Variants in PEBP4 observed in about 807,000 individuals in gnomAD.
PEBP4 encodes the protein phosphatidylethanolamine-binding protein 4.
In PEBP4, 22 loss-of-function variants were observed where a neutral mutation model predicts 23.9. The observed-to-expected ratio is 0.92, with a 90% CI of 0.66 to 1.31. PEBP4 has a LOEUF of 1.31. PEBP4 is among the 40% of genes most tolerant of loss of function. PEBP4 has a pLI of 0.00. For synonymous variants in PEBP4, 112 were observed against 99.3 expected (o/e 1.13, Z -0.76); for missense variants, 324 against 281.7 (o/e 1.15, Z -1.07).
intron 4 of PEBP4, among the ~76,000 whole-genome samples, chr8:22,742,456 G>A (rs368065093): frequency 1.3e-5 from 2 of 152,210 alleles, no homozygotes; most frequent in African/African-American, 2.4e-5. Flanking sequence ...AAGCATGAGA[G>A]GCTCTTGGGA....
At chr8:22,810,032 T>C (rs2128760400) in intron 4 of PEBP4, among the ~76,000 whole-genome samples, 1 of 152,358 alleles carries the variant, frequency 6.6e-6, no homozygotes, top group East Asian at 1.9e-4. Context: ...TCTTAGAAAG[T>C]TCTTCCTCAT....
chr8:22,805,783 T>C (rs1806481984), intron 4 of PEBP4, among the ~76,000 whole-genome samples: 1 of 141,918 alleles, frequency 7.0e-6, no homozygotes, highest in South Asian at 2.4e-4. Flanking sequence ...AAAAATAAAG[T>C]CTATTTTTTT....
intron 3 of PEBP4, among the ~76,000 whole-genome samples, chr8:22,916,796 T>G (rs1160397787): frequency 6.6e-6 from 1 of 152,192 alleles, no homozygotes; most frequent in Admixed American, 6.5e-5. Context: ...AGTCTTTCTC[T>G]CCTAACTTAC....
chr8:22,906,244 G>T (rs1808810497), intron 3 of PEBP4, among the ~76,000 whole-genome samples: 2 of 152,154 alleles, frequency 1.3e-5, no homozygotes, highest in African/African-American at 4.8e-5. Flanking sequence ...AGAGGACACT[G>T]CAGGCTGCCT....
chr8:22,936,095 T>C (rs1287779839), intron 1 of PEBP4, among the ~76,000 whole-genome samples: 1 of 144,312 alleles, frequency 6.9e-6, no homozygotes, highest in Non-Finnish European at 1.5e-5. Context: ...AGACATAAAA[T>C]AGAGAACAGA....
chr8:22,775,851 G>A lies in PEBP4; in HGVS notation c.357+41786C>T, dbSNP rs1805804929. 6.6e-6 allele frequency among the ~76,000 whole-genome samples: 1 copy of A among 152,098 alleles called. No individual in the cohort carries two copies. Among genetic ancestry groups the A allele is most frequent in the African/African-American group, 2.4e-5 (1 of 41,416 alleles). ...TCTGAGTGGGCAGGAAGGATTGCCC[G>A]ACTCCTTGGCTCTTGGGGGGGTTTC... On this transcript the variant is annotated intron_variant, in intron 4 of 6. Coordinates refer to ENST00000256404, the MANE Select transcript of PEBP4 (RefSeq NM_144962.3). The surrounding 1 kb of genome is among the most constrained non-coding windows in gnomAD (Gnocchi z 4.8).
At chr8:22,735,811 GT>G (rs1280067813) in intron 4 of PEBP4, among the ~76,000 whole-genome samples, 1 of 152,196 alleles carries the variant, frequency 6.6e-6, no homozygotes, top group African/African-American at 2.4e-5. Flanking sequence ...CTCAGAGCAG[GT>G]AACTCTTGGA....
intron 4 of PEBP4, among the ~76,000 whole-genome samples, chr8:22,773,775 G>A (rs1805762299): frequency 6.6e-6 from 1 of 152,160 alleles, no homozygotes; most frequent in African/African-American, 2.4e-5. Context: ...CTCAGCCGGG[G>A]GCTTTAGGAT....
At chr8:22,889,838 C>T (rs1808457028) in intron 3 of PEBP4, among the ~76,000 whole-genome samples, 1 of 152,210 alleles carries the variant, frequency 6.6e-6, no homozygotes, top group African/African-American at 2.4e-5. Context: ...TGTGACTATA[C>T]ATCACTGCAG....
chr8:22,940,274 C>T (rs988400573), intron 1 of PEBP4, among the ~76,000 whole-genome samples: 21 of 152,140 alleles, frequency 1.4e-4, no homozygotes, highest in African/African-American at 5.1e-4. Context: ...AGAAGTAAGG[C>T]CTGCCTGAAA....
chr8:22,920,085 G>T, intron 3 of PEBP4, 99 bp downstream of exon 3: 1 of 1,456,686 alleles, frequency 6.9e-7, no homozygotes. Flanking sequence ...CAACCCAGAT[G>T]GCTCTGCACG....
chr8:22,767,940 G>A (rs1805642124), intron 4 of PEBP4, among the ~76,000 whole-genome samples: 1 of 152,104 alleles, frequency 6.6e-6, no homozygotes, highest in South Asian at 2.1e-4. Flanking sequence ...GGTTTCTCCA[G>A]GCCAGGCTGG....
intron 3 of PEBP4, among the ~76,000 whole-genome samples, chr8:22,907,333 G>A (rs140051825): frequency 0.014 from 2,140 of 152,214 alleles, 28 homozygotes; most frequent in African/African-American, 0.036. Flanking sequence ...CCAACATGGT[G>A]AAACCCTGTC....
chr8:22,897,329 T>C (rs943193245), intron 3 of PEBP4, among the ~76,000 whole-genome samples: 11 of 152,012 alleles, frequency 7.2e-5, no homozygotes, highest in African/African-American at 2.4e-4. Flanking sequence ...AGCACAGATA[T>C]GGATGGAGGA....
At chr8:22,804,147 T>G (rs1030987630) in intron 4 of PEBP4, among the ~76,000 whole-genome samples, 15 of 152,216 alleles carry the variant, frequency 9.9e-5, no homozygotes, top group Admixed American at 9.2e-4. Context: ...CTGGGCAACA[T>G]AGTGGGGCCC....
intron 4 of PEBP4, among the ~76,000 whole-genome samples, chr8:22,756,798 T>C (rs1466220879): frequency 6.6e-6 from 1 of 152,092 alleles, no homozygotes; most frequent in Non-Finnish European, 1.5e-5. Context: ...GAAATCGTGG[T>C]GGCCAAACTC....
At chr8:22,735,365 T>C (rs1804838348) in intron 4 of PEBP4, among the ~76,000 whole-genome samples, 2 of 152,184 alleles carry the variant, frequency 1.3e-5, no homozygotes, top group African/African-American at 2.4e-5. Context: ...TTTTCAGTTC[T>C]CCAGTAGACA....
chr8:22,785,981 G>A (rs1290107670), intron 4 of PEBP4, among the ~76,000 whole-genome samples: 1 of 152,212 alleles, frequency 6.6e-6, no homozygotes, highest in Non-Finnish European at 1.5e-5. Context: ...CGAACGTCAA[G>A]TAGGGTCAGT....
Position 22,898,632 on chromosome 8 carries a change from G to A in PEBP4, c.258+21552C>T, listed in dbSNP as rs141563553. ...ATGCCCGAGGGAATGTTCCCCTCAC[G>A]CCCTGCACACCCAAGTGAAAGCTAG... On this transcript the variant is annotated intron_variant, in intron 3 of 6. Coordinates refer to ENST00000256404, the MANE Select transcript of PEBP4 (RefSeq NM_144962.3). Among the ~76,000 whole-genome samples, 163 of 152,236 alleles carry A rather than the reference G, an allele frequency of 1.1e-3. 1 individual carries two copies. Among genetic ancestry groups the A allele is most frequent in the African/African-American group, 3.6e-3 (148 of 41,540 alleles).
Sources: allele counts gnomAD v4.1 joint callset (sites outside exome capture counted in the v4.1 genomes callset), GRCh38; gene constraint gnomAD v4.1.1; non-coding constraint Gnocchi (gnomAD v3.1); transcripts MANE v1.5; gene names NCBI Gene and HGNC (gene_info 2026-07-23, HGNC 2026-07-21).